The following GMDS variants were observed in gnomAD, a reference collection of about 807,000 sequenced individuals.
GMDS encodes the protein GDP-mannose 4,6 dehydratase.
In GMDS, 20 loss-of-function variants were observed where a neutral mutation model predicts 49.9. The observed-to-expected ratio is 0.40, with a 90% CI of 0.28 to 0.58. The LOEUF is 0.58. GMDS is among the 20% of genes least tolerant of loss of function. GMDS has a pLI of 0.42. For synonymous variants in GMDS, 177 were observed against 178.6 expected, an observed-to-expected ratio of 0.99 and a Z score of 0.07; for missense variants, 362 against 481.4, an observed-to-expected ratio of 0.75 and a Z score of 2.32.
chr6:2,164,261 T>G (rs1777551521), intron 1 of GMDS, among the ~76,000 whole-genome samples: 1 of 152,176 alleles, frequency 6.6e-6, no homozygotes, highest in African/African-American at 2.4e-5. Context: ...ATGCCCACAT[T>G]TGTTCCCCAG....
chr6:1,820,497 G>T (rs1770846353), intron 7 of GMDS, among the ~76,000 whole-genome samples: 2 of 152,120 alleles, frequency 1.3e-5, no homozygotes, highest in Non-Finnish European at 1.5e-5. Flanking sequence ...ATAAAATTTA[G>T]AATAACTTTT....
intron 4 of GMDS, among the ~76,000 whole-genome samples, chr6:1,965,069 C>T (rs554825799): frequency 6.7e-5 from 6 of 90,176 alleles, no homozygotes; most frequent in African/African-American, 2.0e-4. Flanking sequence ...TCCAGTCTAT[C>T]GTTGTTCCAG....
chr6:2,187,656 C>T (rs1778837035), intron 1 of GMDS, among the ~76,000 whole-genome samples: 1 of 152,178 alleles, frequency 6.6e-6, no homozygotes, highest in African/African-American at 2.4e-5. Flanking sequence ...GAAAGCTTTG[C>T]TTAAGATGAC....
chr6:1,945,295 G>C (rs1303972600), intron 6 of GMDS, among the ~76,000 whole-genome samples: 1 of 151,972 alleles, frequency 6.6e-6, no homozygotes, highest in African/African-American at 2.4e-5. Context: ...AGCCTAATGA[G>C]ATGAATGGGC....
intron 9 of GMDS, among the ~76,000 whole-genome samples, chr6:1,681,770 C>A (rs1315583363): frequency 6.6e-6 from 1 of 152,264 alleles, no homozygotes; most frequent in East Asian, 1.9e-4. Flanking sequence ...TCACAGCTCA[C>A]TGCAGTTTTG....
At chr6:2,021,847 A>T (rs1768292972) in intron 4 of GMDS, among the ~76,000 whole-genome samples, 1 of 152,208 alleles carries the variant, frequency 6.6e-6, no homozygotes, top group Non-Finnish European at 1.5e-5. Context: ...TGGGGTGGCA[A>T]GGAGCCAGGC....
At chr6:1,933,622 T>G (rs1017062719) in intron 6 of GMDS, among the ~76,000 whole-genome samples, 1 of 152,264 alleles carries the variant, frequency 6.6e-6, no homozygotes, top group Non-Finnish European at 1.5e-5. Flanking sequence ...ACTAATCATA[T>G]GAAGCAACTA....
rs529883826 is a variant in GMDS at position 2,222,683 on chromosome 6, C to G, written c.102+22638G>C. 9.2e-5 allele frequency among the ~76,000 whole-genome samples: 14 copies of G among 152,264 alleles called. No individual in the cohort carries two copies. The East Asian group carries it at 2.3e-3, about 25-fold the overall frequency. The stretch of plus-strand genomic sequence containing the variant: ...GTCAGGGCAGGCTGAGAGTGGAGCA[C>G]AGGATGAGTGGCAGGTTTCCAGGCG... On this transcript the variant is annotated intron_variant, in intron 1 of 10. Coordinates refer to ENST00000380815, the MANE Select transcript of GMDS (RefSeq NM_001500.4).
intron 4 of GMDS, among the ~76,000 whole-genome samples, chr6:2,059,511 A>G (rs1770997892): frequency 6.7e-6 from 1 of 149,830 alleles, no homozygotes; most frequent in Admixed American, 6.7e-5. Context: ...GATCGAGACC[A>G]TCCTGGCTAA....
chr6:2,065,450 C>T (rs889791799), intron 4 of GMDS, among the ~76,000 whole-genome samples: 3 of 152,110 alleles, frequency 2.0e-5, no homozygotes, highest in Non-Finnish European at 4.4e-5. Flanking sequence ...TGAGAGAAGG[C>T]TTCAGACGAT....
intron 4 of GMDS, among the ~76,000 whole-genome samples, chr6:2,013,412 T>TCA (rs569809626): frequency 9.5e-4 from 144 of 151,992 alleles, no homozygotes; most frequent in African/African-American, 3.4e-3. Flanking sequence ...AATGACAAGG[T>TCA]CATGACAAAA....
chr6:2,231,416 T>C (rs1561676327), intron 1 of GMDS, among the ~76,000 whole-genome samples: 2 of 151,814 alleles, frequency 1.3e-5, no homozygotes, highest in African/African-American at 4.8e-5. Context: ...ATACAAAAAG[T>C]AGCCAGATAT....
In GMDS at chr6:1,624,095, T is replaced by C. The variant is rs140328641; in HGVS notation, c.*74A>G. The stretch of plus-strand genomic sequence containing the variant: ...CCGCAGATTGGCACGCCGCTCCCCA[T>C]CCCCGCAGCGCGTCTGCACCGGAGA... On this transcript the variant is annotated 3_prime_UTR_variant, in exon 11 of 11. Transcript: ENST00000380815. The C allele has an allele frequency of 1.5e-6, 2 of 1,362,828 alleles. No individual in the cohort carries two copies. The highest frequency in any genetic ancestry group is 2.1e-6 in the Non-Finnish European group (2 of 969,470). 84.4% of individuals were successfully genotyped at this position (1,362,828 alleles called of 1,614,324 possible).
At chr6:2,244,046 G>T (rs1322177561) in intron 1 of GMDS, among the ~76,000 whole-genome samples, 1 of 151,408 alleles carries the variant, frequency 6.6e-6, no homozygotes, top group Non-Finnish European at 1.5e-5. Context: ...AAATTTTTTT[G>T]TAGAGACAAC....
chr6:1,675,348 G>C (rs886396963), intron 9 of GMDS, among the ~76,000 whole-genome samples: 26 of 151,352 alleles, frequency 1.7e-4, no homozygotes, highest in African/African-American at 5.8e-4. Flanking sequence ...TGTTTCTTCG[G>C]GATTTTCTAT....
At chr6:1,901,637 C>CT (rs889763203) in intron 7 of GMDS, among the ~76,000 whole-genome samples, 415 of 151,218 alleles carry the variant, frequency 2.7e-3, no homozygotes, top group African/African-American at 7.1e-3. Flanking sequence ...TCCCACAAGG[C>CT]TTTTTTTTTG....
intron 9 of GMDS, among the ~76,000 whole-genome samples, chr6:1,691,984 G>C (rs985712357): frequency 6.6e-6 from 1 of 152,146 alleles, no homozygotes; most frequent in Admixed American, 6.5e-5. Flanking sequence ...ATTTGAGTCC[G>C]TGGACTGGGA....
chr6:2,005,495 A>C (rs139499148), intron 4 of GMDS, among the ~76,000 whole-genome samples: 224 of 152,274 alleles, frequency 1.5e-3, no homozygotes, highest in African/African-American at 5.2e-3. Flanking sequence ...TGTAAAATCT[A>C]CTTTAACAGT....
intron 4 of GMDS, among the ~76,000 whole-genome samples, chr6:2,034,969 A>C (rs1769204713): frequency 6.6e-6 from 1 of 152,100 alleles, no homozygotes; most frequent in South Asian, 2.1e-4. Context: ...GAAAAAGAAG[A>C]AGCTGCCACC....
Sources: gnomAD v4.1 joint callset for allele counts (sites outside exome capture counted in the v4.1 genomes callset) on GRCh38, gnomAD v4.1.1 for gene constraint, MANE v1.5 for transcripts, NCBI Gene and HGNC (gene_info 2026-07-23, HGNC 2026-07-21) for gene names.